The following CDC42BPA variants were observed in gnomAD, a reference collection of about 807,000 sequenced individuals.
The protein encoded by CDC42BPA is CDC42 binding protein kinase alpha, also known as serine/threonine-protein kinase MRCK alpha.
CDC42BPA carries 80 observed loss-of-function variants against 223.5 expected under a neutral mutation model. The ratio of observed to expected loss-of-function variants is 0.36; its 90% confidence interval spans 0.30 to 0.43. The LOEUF is 0.43. Ranked by LOEUF, CDC42BPA falls within the 20% of genes least tolerant of loss-of-function variation. The pLI is 1.00. For missense variants in CDC42BPA, 1,743 were observed against 2,099.9 expected, an observed-to-expected ratio of 0.83 and a Z score of 3.32; for synonymous variants, 694 against 718.6, an observed-to-expected ratio of 0.97 and a Z score of 0.55.
intron 12 of CDC42BPA, among the ~76,000 whole-genome samples, chr1:227,113,864 TAA>T (rs34320118): frequency 1.7e-4 from 19 of 112,400 alleles, no homozygotes; most frequent in Non-Finnish European, 2.1e-4. Flanking sequence ...AATAACAATG[TAA>T]AAAAAAAAAA....
chr1:227,001,300 TC>T (rs1662792008), intron 35 of CDC42BPA, among the ~76,000 whole-genome samples: 1 of 152,138 alleles, frequency 6.6e-6, no homozygotes, highest in African/African-American at 2.4e-5. Context: ...CCCTTGGCAT[TC>T]CCGAGAGGGT....
chr1:227,308,257 G>A (rs1327407017), intron 1 of CDC42BPA, among the ~76,000 whole-genome samples: 1 of 152,102 alleles, frequency 6.6e-6, no homozygotes, highest in African/African-American at 2.4e-5. Context: ...TAAAATCCCA[G>A]CACTTTGGGA....
chr1:227,115,482 A>C (rs1276854779), intron 12 of CDC42BPA, among the ~76,000 whole-genome samples: 1 of 151,126 alleles, frequency 6.6e-6, no homozygotes, highest in Non-Finnish European at 1.5e-5. Context: ...AAAAATTTTA[A>C]TTTCTTAGTC....
chr1:227,019,901 CTT>C (rs111365206), intron 32 of CDC42BPA, among the ~76,000 whole-genome samples: 1 of 145,722 alleles, frequency 6.9e-6, no homozygotes, highest in African/African-American at 2.5e-5. Flanking sequence ...TACCATAATT[CTT>C]TTTTTTTTTT....
At chr1:227,262,661 C>A (rs1367393813) in intron 1 of CDC42BPA, among the ~76,000 whole-genome samples, 1 of 152,076 alleles carries the variant, frequency 6.6e-6, no homozygotes, top group Non-Finnish European at 1.5e-5. Flanking sequence ...AAAAAATCGG[C>A]CTTTTAAGTC....
chr1:227,102,266 A>G lies in CDC42BPA; in HGVS notation c.2002-1027T>C, dbSNP rs77349570. ...AGGAAGTGATGTGGGCCAGAGAAAT[A>G]GCCCTGGCGTGTCCACTGCAATATT... On this transcript the variant is annotated intron_variant, in intron 14 of 36. Transcript: ENST00000366766. Among the ~76,000 whole-genome samples the G allele has an allele frequency of 8.8e-3, 1,336 of 152,286 alleles. 19 individuals are homozygous for G. The highest frequency in any genetic ancestry group is 0.031 in the African/African-American group (1,274 of 41,560).
chr1:227,210,729 T>C (rs1360657536), intron 3 of CDC42BPA, among the ~76,000 whole-genome samples: 2 of 152,206 alleles, frequency 1.3e-5, no homozygotes, highest in Non-Finnish European at 2.9e-5. Flanking sequence ...CTACAGTTGT[T>C]ATTTCTGCTA....
intron 21 of CDC42BPA, 30 bp from the exon 22 acceptor site, chr1:227,052,015 C>A: frequency 7.7e-7 from 1 of 1,301,002 alleles, no homozygotes; most frequent in Admixed American, 1.9e-5. Flanking sequence ...AAAATAAAAA[C>A]CCAAAAAATC....
intron 5 of CDC42BPA, among the ~76,000 whole-genome samples, chr1:227,162,863 T>TAA (rs1410530423): frequency 1.9e-5 from 2 of 102,950 alleles, no homozygotes; most frequent in Non-Finnish European, 3.9e-5. Flanking sequence ...ATAAAATAAA[T>TAA]ATATATGTGT....
At chr1:227,294,814 C>G (rs527336297) in intron 1 of CDC42BPA, among the ~76,000 whole-genome samples, 22 of 63,974 alleles carry the variant, frequency 3.4e-4, no homozygotes, top group Non-Finnish European at 5.8e-4. Context: ...GAGCCGAGAT[C>G]GCGCCACTGC....
At position 227,028,815 on chromosome 1, in the gene CDC42BPA, G is replaced by A. The variant is rs770872855; in HGVS notation, c.4274C>T (p.Ser1425Leu). The A allele has an allele frequency of 8.7e-5, 140 of 1,613,984 alleles. No homozygotes were observed. Among genetic ancestry groups the A allele is most frequent in the Non-Finnish European group, 1.1e-4 (125 of 1,179,968 alleles). ...SMLHSNDHTL[S>L]FIAHQPMDAI... ...ATCCATTGGTTGATGTGCAATAAAT[G>A]ATAGTGTATGGTCATTTGAATGGAG... Residue 1425 changes from serine to leucine, a missense_variant, in exon 30 of 37, where the codon TCA (serine) becomes TTA (leucine). Coordinates refer to ENST00000366766, the MANE Select transcript of CDC42BPA (RefSeq NM_001394014.1).
intron 16 of CDC42BPA, among the ~76,000 whole-genome samples, chr1:227,085,585 C>T (rs746437426): frequency 4.6e-5 from 7 of 152,110 alleles, no homozygotes; most frequent in South Asian, 2.1e-4. Context: ...AGCAAAGTTT[C>T]ATTTCTTCCC....
Position 227,005,106 on chromosome 1 carries a change from AG to A in CDC42BPA, c.4862del (p.Pro1621LeufsTer30). The A allele has an allele frequency of 6.2e-7, 1 of 1,609,904 alleles. No homozygotes were observed. The highest frequency in any genetic ancestry group is 8.5e-7 in the Non-Finnish European group (1 of 1,176,176). ...IQILKDLPMN[P>X]RPQESRTVFS... Reference sequence around the variant, plus strand: ...ATACTGTCCGACTTTCCTGAGGCCGAGGGTTCTATAAACAAAAGCGAGAGAG... The same window carrying A: ...ATACTGTCCGACTTTCCTGAGGCCGAGGTTCTATAAACAAAAGCGAGAGAG... On this transcript the variant is annotated frameshift_variant, in exon 35 of 37. Coordinates refer to ENST00000366766, the MANE Select transcript of CDC42BPA (RefSeq NM_001394014.1). LOFTEE classifies it high-confidence loss of function.
intron 1 of CDC42BPA, among the ~76,000 whole-genome samples, chr1:227,315,690 A>G (rs1694255997): frequency 6.6e-6 from 1 of 152,170 alleles, no homozygotes; most frequent in Admixed American, 6.5e-5. Context: ...ATACTCACAA[A>G]ACCAGTACCA....
At chr1:227,019,882 G>C (rs1056384940) in intron 32 of CDC42BPA, among the ~76,000 whole-genome samples, 2 of 152,024 alleles carry the variant, frequency 1.3e-5, no homozygotes, top group African/African-American at 4.8e-5. Flanking sequence ...AATACAGGCA[G>C]AGTAGAGTTA....
At chr1:227,223,118 G>A (rs1027338832) in intron 2 of CDC42BPA, among the ~76,000 whole-genome samples, 3 of 152,184 alleles carry the variant, frequency 2.0e-5, no homozygotes, top group African/African-American at 4.8e-5. Flanking sequence ...ATGTGAATAC[G>A]TATGTTAAAA....
chr1:227,028,576 GACA>G (rs1668692889), intron 30 of CDC42BPA, 78 bp downstream of exon 30: 7 of 926,284 alleles, frequency 7.6e-6, no homozygotes, highest in African/African-American at 3.3e-5. Flanking sequence ...TATCAACAAT[GACA>G]ACATTTGGGA....
At chr1:227,075,959 C>CT (rs1291978336) in intron 17 of CDC42BPA, among the ~76,000 whole-genome samples, 1 of 152,154 alleles carries the variant, frequency 6.6e-6, no homozygotes, top group Non-Finnish European at 1.5e-5. Flanking sequence ...ATGACAATCT[C>CT]TTTTTTCTAA....
At chr1:227,019,202 A>C (rs911338911) in intron 32 of CDC42BPA, among the ~76,000 whole-genome samples, 10 of 152,198 alleles carry the variant, frequency 6.6e-5, no homozygotes, top group African/African-American at 2.4e-4. Flanking sequence ...TTTTTTCAAC[A>C]ATGTTCTTAA....
Sources: allele counts gnomAD v4.1 joint callset (sites outside exome capture counted in the v4.1 genomes callset), GRCh38; gene constraint gnomAD v4.1.1; transcripts MANE v1.5; gene names NCBI Gene and HGNC (gene_info 2026-07-23, HGNC 2026-07-21).